The following NRXN3 variants were observed in gnomAD, a reference collection of about 807,000 sequenced individuals.
The protein encoded by NRXN3 is neurexin III.
NRXN3 carries 32 observed loss-of-function variants against 137.6 expected under a neutral mutation model. The ratio of observed to expected loss-of-function variants is 0.23; its 90% CI spans 0.18 to 0.31. The LOEUF is 0.31. Ranked by LOEUF, NRXN3 falls within the 10% of genes least tolerant of loss-of-function variation. NRXN3 has a pLI of 1.00. For missense variants in NRXN3, 1,574 were observed against 2,062.5 expected (o/e 0.76, Z 4.59); for synonymous variants, 798 against 784.5 (o/e 1.02, Z -0.29).
chr14:79,186,404 C>T (rs981660169), intron 15 of NRXN3, among the ~76,000 whole-genome samples: 5 of 152,094 alleles, frequency 3.3e-5, no homozygotes, highest in African/African-American at 1.2e-4. Flanking sequence ...ATGTCTCTCT[C>T]TTTTTTATGA....
chr14:79,270,583 T>A (rs972363751), intron 15 of NRXN3, among the ~76,000 whole-genome samples: 1 of 152,132 alleles, frequency 6.6e-6, no homozygotes, highest in Admixed American at 6.5e-5. Flanking sequence ...CCCTGCATGA[T>A]TTCAGAATTC....
At chr14:78,606,990 C>T (rs2097258424) in intron 4 of NRXN3, among the ~76,000 whole-genome samples, 1 of 152,254 alleles carries the variant, frequency 6.6e-6, no homozygotes, top group African/African-American at 2.4e-5. Context: ...TTCCTGTTCC[C>T]CATCCTCCTA....
rs2098696380 is a variant in NRXN3, at chr14:79,686,663, A to C, written c.3617-5510A>C. 2.0e-5 allele frequency among the ~76,000 whole-genome samples: 3 copies of C among 152,208 alleles called. No individual in the cohort carries two copies. In the South Asian group the frequency reaches 6.2e-4, roughly 32 times the overall value. Reference sequence around the variant, plus strand: ...GATTAAATAAATTGCCCAAGTTCACAGAACTGATAAATGTCTGGACTTGAT... The same window carrying C: ...GATTAAATAAATTGCCCAAGTTCACCGAACTGATAAATGTCTGGACTTGAT... On this transcript the variant is annotated intron_variant, in intron 17 of 20. Transcript: ENST00000335750.
chr14:78,535,501 A>G (rs2096526741), intron 4 of NRXN3, among the ~76,000 whole-genome samples: 1 of 152,224 alleles, frequency 6.6e-6, no homozygotes, highest in Non-Finnish European at 1.5e-5. Context: ...GAAGCTACTT[A>G]AGTATTCCAA....
chr14:78,223,198 A>T (rs535895095), intron 1 of NRXN3, among the ~76,000 whole-genome samples: 6 of 152,182 alleles, frequency 3.9e-5, no homozygotes, highest in Non-Finnish European at 5.9e-5. Flanking sequence ...CAAAAGGGGG[A>T]GGCTGAAGCA....
At chr14:78,391,363 C>T (rs756788699) in intron 4 of NRXN3, among the ~76,000 whole-genome samples, 2 of 151,602 alleles carry the variant, frequency 1.3e-5, no homozygotes, top group Non-Finnish European at 2.9e-5. Context: ...AAAGTTCCTT[C>T]ATGACCTTTT....
chr14:78,805,861 G>T (rs1006515089), intron 9 of NRXN3, among the ~76,000 whole-genome samples: 14 of 152,064 alleles, frequency 9.2e-5, no homozygotes, highest in Admixed American at 5.2e-4. Flanking sequence ...TGGGGTCAGT[G>T]GGGGTACAAA....
chr14:79,236,617 G>A (rs1013741465), intron 15 of NRXN3, among the ~76,000 whole-genome samples: 3 of 152,206 alleles, frequency 2.0e-5, no homozygotes, highest in Admixed American at 6.6e-5. Context: ...TCTTATTGAA[G>A]TGTGTTAGAT....
At chr14:79,261,639 G>A (rs1252121343) in intron 15 of NRXN3, among the ~76,000 whole-genome samples, 1 of 139,348 alleles carries the variant, frequency 7.2e-6, no homozygotes, top group African/African-American at 2.7e-5. Flanking sequence ...GTGTGTGTGT[G>A]TGTGATGGGG....
chr14:78,409,955 T>C (rs569187804), intron 4 of NRXN3, among the ~76,000 whole-genome samples: 1 of 152,230 alleles, frequency 6.6e-6, no homozygotes, highest in Non-Finnish European at 1.5e-5. Context: ...TATTGCCGGG[T>C]TTTCTGTTCT....
At chr14:79,407,201 A>G (rs886959051) in intron 15 of NRXN3, among the ~76,000 whole-genome samples, 3 of 152,272 alleles carry the variant, frequency 2.0e-5, no homozygotes, top group Admixed American at 2.0e-4. Context: ...GTGTGTCTCC[A>G]TATTTGACTT....
chr14:79,544,364 G>A (rs889606019), intron 16 of NRXN3, among the ~76,000 whole-genome samples: 2 of 152,198 alleles, frequency 1.3e-5, no homozygotes, highest in African/African-American at 2.4e-5. Flanking sequence ...AAAATGCCAC[G>A]ATAACATCTA....
intron 6 of NRXN3, among the ~76,000 whole-genome samples, chr14:78,694,318 T>C (rs181265816): frequency 1.5e-4 from 23 of 152,114 alleles, no homozygotes; most frequent in Non-Finnish European, 2.9e-4. Flanking sequence ...AATGTGTGTA[T>C]GTCTGTTTCT....
chr14:79,405,274 TAGTA>T (rs2095287561), intron 15 of NRXN3, among the ~76,000 whole-genome samples: 1 of 152,126 alleles, frequency 6.6e-6, no homozygotes, highest in Non-Finnish European at 1.5e-5. Flanking sequence ...GTAGAGCACA[TAGTA>T]AGGCCATTAG....
intron 15 of NRXN3, among the ~76,000 whole-genome samples, chr14:79,271,207 G>T (rs2079236051): frequency 6.6e-6 from 1 of 152,126 alleles, no homozygotes; most frequent in Non-Finnish European, 1.5e-5. Flanking sequence ...TATCTGAAAA[G>T]TAACTACATG....
intron 16 of NRXN3, among the ~76,000 whole-genome samples, chr14:79,577,372 T>A (rs2097675286): frequency 6.6e-6 from 1 of 152,228 alleles, no homozygotes; most frequent in Non-Finnish European, 1.5e-5. Flanking sequence ...TTTGGATTCT[T>A]TTTCAGAGCC....
chr14:79,122,794 C>T (rs753313627), intron 15 of NRXN3, among the ~76,000 whole-genome samples: 28 of 152,262 alleles, frequency 1.8e-4, no homozygotes, highest in East Asian at 5.8e-4. Flanking sequence ...CCAGGCTTTA[C>T]GCAGTCAGGG....
chr14:78,500,171 A>C (rs2095855928), intron 4 of NRXN3, among the ~76,000 whole-genome samples: 1 of 152,124 alleles, frequency 6.6e-6, no homozygotes, highest in Non-Finnish European at 1.5e-5. Context: ...TTATTAGAAC[A>C]GGTCTGAATG....
At chr14:79,696,432 G>A (rs181201752) in intron 18 of NRXN3, among the ~76,000 whole-genome samples, 9 of 152,028 alleles carry the variant, frequency 5.9e-5, no homozygotes, top group South Asian at 4.1e-4. Flanking sequence ...TTCAGAAGGC[G>A]TATATTTAAT....
Sources: allele counts gnomAD v4.1 joint callset (sites outside exome capture counted in the v4.1 genomes callset), GRCh38; gene constraint gnomAD v4.1.1; transcripts MANE v1.5; gene names NCBI Gene and HGNC (gene_info 2026-07-23, HGNC 2026-07-21).